Variants in AGBL4 observed in about 807,000 individuals in gnomAD.
AGBL4 encodes AGBL carboxypeptidase 4, also known as cytosolic carboxypeptidase 6.
In AGBL4, 58 loss-of-function variants were observed where a neutral mutation model predicts 66.4. The observed-to-expected ratio is 0.87, with a 90% CI of 0.71 to 1.09. The LOEUF (loss-of-function observed/expected upper bound fraction) is 1.09. Ranked by LOEUF, AGBL4 falls within the 50% of genes least tolerant of loss-of-function variation. The pLI, the probability that AGBL4 is intolerant of heterozygous loss-of-function variation, is 0.00. For synonymous variants in AGBL4, 234 were observed against 222.9 expected (o/e 1.05, Z -0.44); for missense variants, 579 against 631.0 (o/e 0.92, Z 0.88).
At chr1:48,543,752 G>A (rs1644115202) in intron 11 of AGBL4, among the ~76,000 whole-genome samples, 1 of 152,166 alleles carries the variant, frequency 6.6e-6, no homozygotes, top group Admixed American at 6.5e-5. Flanking sequence ...GTTGGACATG[G>A]CCTAGGACAT....
chr1:49,762,675 G>A (rs1652430174), intron 2 of AGBL4, among the ~76,000 whole-genome samples: 1 of 152,344 alleles, frequency 6.6e-6, no homozygotes, highest in East Asian at 1.9e-4. Flanking sequence ...GCCTCCCAAA[G>A]TGTTGGGATT....
chr1:48,833,568 G>A (rs1328375228), intron 6 of AGBL4, among the ~76,000 whole-genome samples: 1 of 152,176 alleles, frequency 6.6e-6, no homozygotes, highest in East Asian at 1.9e-4. Flanking sequence ...CAGAAAGTGA[G>A]AACATATGTT....
At chr1:49,827,238 G>C (rs779023859) in intron 2 of AGBL4, among the ~76,000 whole-genome samples, 5 of 151,944 alleles carry the variant, frequency 3.3e-5, no homozygotes, top group Non-Finnish European at 5.9e-5. Flanking sequence ...GGAGCTGGGG[G>C]AGTAGGAAAA....
intron 4 of AGBL4, among the ~76,000 whole-genome samples, chr1:49,136,540 A>T (rs1416857689): frequency 2.6e-5 from 4 of 152,136 alleles, no homozygotes; most frequent in African/African-American, 9.7e-5. Flanking sequence ...ATCAGGAAAA[A>T]TGGTTCTGTA....
intron 5 of AGBL4, among the ~76,000 whole-genome samples, chr1:48,874,309 C>A (rs546868910): frequency 2.9e-5 from 4 of 138,826 alleles, no homozygotes; most frequent in Admixed American, 2.9e-4. Context: ...GATCCCATGC[C>A]CTGCTCCCTG....
chr1:49,068,095 C>T (rs774378657), intron 4 of AGBL4, among the ~76,000 whole-genome samples: 5 of 152,010 alleles, frequency 3.3e-5, no homozygotes, highest in Non-Finnish European at 7.4e-5. Context: ...TAGAACCTTG[C>T]GTTTGTAGGC....
intron 4 of AGBL4, among the ~76,000 whole-genome samples, chr1:49,186,529 C>T (rs1647019900): frequency 6.6e-6 from 1 of 152,098 alleles, no homozygotes; most frequent in African/African-American, 2.4e-5. Flanking sequence ...TAAAACCAAC[C>T]CTACATGGTA....
chr1:49,576,916 C>T (rs1443412258), intron 3 of AGBL4, among the ~76,000 whole-genome samples: 1 of 152,182 alleles, frequency 6.6e-6, no homozygotes, highest in East Asian at 1.9e-4. Context: ...TAAGACATCC[C>T]TGAAGGACAG....
intron 4 of AGBL4, among the ~76,000 whole-genome samples, chr1:49,091,223 A>G (rs1343584459): frequency 6.6e-6 from 1 of 152,160 alleles, no homozygotes; most frequent in Non-Finnish European, 1.5e-5. Context: ...GACAAAAACA[A>G]AAATTGACAA....
At chr1:49,830,743 C>A (rs963962616) in intron 2 of AGBL4, among the ~76,000 whole-genome samples, 3 of 152,144 alleles carry the variant, frequency 2.0e-5, no homozygotes, top group Non-Finnish European at 4.4e-5. Flanking sequence ...GGTTTTAGGT[C>A]TTACATTTAA....
At chr1:49,293,401 GCC>G (rs1644581414) in intron 3 of AGBL4, among the ~76,000 whole-genome samples, 1 of 152,168 alleles carries the variant, frequency 6.6e-6, no homozygotes. Context: ...AGGCAAAGGT[GCC>G]ACTGGTCACA....
At chr1:49,333,837 G>T (rs1189392967) in intron 3 of AGBL4, among the ~76,000 whole-genome samples, 3 of 152,054 alleles carry the variant, frequency 2.0e-5, no homozygotes, top group Admixed American at 2.0e-4. Flanking sequence ...AATCCAACTG[G>T]AAAAATACCA....
intron 9 of AGBL4, among the ~76,000 whole-genome samples, chr1:48,614,881 T>A (rs1188457374): frequency 6.6e-6 from 1 of 152,212 alleles, no homozygotes; most frequent in Non-Finnish European, 1.5e-5. Context: ...CTCTTATTGT[T>A]CATATATAAA....
chr1:48,539,571 A>G, intron 12 of AGBL4, 71 bp downstream of exon 12: 8 of 1,244,952 alleles, frequency 6.4e-6, no homozygotes, highest in Non-Finnish European at 6.5e-6. Flanking sequence ...GCAAAAGGCT[A>G]AGGGAAGTTG....
At chr1:48,975,130 T>G (rs931028984) in intron 5 of AGBL4, among the ~76,000 whole-genome samples, 8 of 152,106 alleles carry the variant, frequency 5.3e-5, no homozygotes, top group Non-Finnish European at 1.2e-4. Flanking sequence ...CAATGAAATT[T>G]AAAAATGTCT....
chr1:49,376,659 T>G (rs577586056), intron 3 of AGBL4, among the ~76,000 whole-genome samples: 18 of 152,220 alleles, frequency 1.2e-4, no homozygotes, highest in Admixed American at 1.1e-3. Context: ...GTATGATATA[T>G]GTCTTCTGTT....
At chr1:49,960,345 C>T (rs1334036940) in intron 1 of AGBL4, among the ~76,000 whole-genome samples, 2 of 152,044 alleles carry the variant, frequency 1.3e-5, no homozygotes, top group South Asian at 2.1e-4. Context: ...TGTTCTCACT[C>T]ATATGTGAAA....
chr1:48,823,661 T>G (rs1229713832), intron 6 of AGBL4, among the ~76,000 whole-genome samples: 1 of 152,234 alleles, frequency 6.6e-6, no homozygotes, highest in Non-Finnish European at 1.5e-5. Flanking sequence ...CTATGACTAT[T>G]GTACTGCATT....
At chr1:49,297,136 C>T (rs1644659039) in intron 3 of AGBL4, among the ~76,000 whole-genome samples, 1 of 152,214 alleles carries the variant, frequency 6.6e-6, no homozygotes, top group Admixed American at 6.5e-5. Context: ...TTGTCAATCC[C>T]TAGTTTCTAT....
Sources: allele counts gnomAD v4.1 joint callset (sites outside exome capture counted in the v4.1 genomes callset), GRCh38; gene constraint gnomAD v4.1.1; transcripts MANE v1.5; gene names NCBI Gene and HGNC (gene_info 2026-07-23, HGNC 2026-07-21).